FOXN3: variants seen among roughly 807,000 people sequenced by gnomAD.
FOXN3 encodes forkhead box protein N3.
FOXN3 carries 7 observed loss-of-function variants against 38.4 expected under a neutral mutation model. The ratio of observed to expected loss-of-function variants is 0.18; its 90% CI spans 0.10 to 0.34. The LOEUF (loss-of-function observed/expected upper bound fraction) is 0.34. Among genes scored for constraint, FOXN3 ranks in the 10% least tolerant of loss-of-function variants. The probability of loss-of-function intolerance (pLI) is 1.00; values close to 1 mark genes in which losing one functional copy is unlikely to be tolerated. For synonymous variants in FOXN3, 230 were observed against 242.2 expected (o/e 0.95, Z 0.47); for missense variants, 456 against 613.4 (o/e 0.74, Z 2.71).
chr14:89,400,126 A>G (rs899090201), intron 2 of FOXN3: 4 of 152,208 alleles, frequency 2.6e-5, no homozygotes, highest in African/African-American at 9.6e-5. Flanking sequence ...CTGCAAAACT[A>G]CAGCCAGCAA....
chr14:89,444,097 C>A (rs1052693459), intron 1 of FOXN3, among the ~76,000 whole-genome samples: 2 of 147,258 alleles, frequency 1.4e-5, no homozygotes, highest in Non-Finnish European at 3.0e-5. Flanking sequence ...TTATCCTAGA[C>A]AATGGGGAGC....
chr14:89,528,534 C>T (rs1377765316), intron 1 of FOXN3, among the ~76,000 whole-genome samples: 3 of 151,766 alleles, frequency 2.0e-5, no homozygotes, highest in East Asian at 3.9e-4. Flanking sequence ...GTAGCTGGGA[C>T]TACAGGCATG....
intron 2 of FOXN3, among the ~76,000 whole-genome samples, chr14:89,402,051 C>CT (rs963316942): frequency 2.0e-5 from 3 of 152,166 alleles, no homozygotes; most frequent in African/African-American, 7.2e-5. Context: ...TGTCTGTAAT[C>CT]TTACATAGCA....
intron 1 of FOXN3, among the ~76,000 whole-genome samples, chr14:89,573,106 C>A (rs1895528194): frequency 6.6e-6 from 1 of 152,184 alleles, no homozygotes; most frequent in Non-Finnish European, 1.5e-5. Context: ...CCTAGTGCTT[C>A]TGAGTGTCCC....
chr14:89,467,430 A>AATT, intron 1 of FOXN3, among the ~76,000 whole-genome samples: 1 of 152,276 alleles, frequency 6.6e-6, no homozygotes, highest in African/African-American at 2.4e-5. Context: ...TTTAAAATAC[A>AATT]ATTACTGATG....
At chr14:89,317,390 G>A (rs1020049893) in intron 3 of FOXN3, among the ~76,000 whole-genome samples, 1 of 152,168 alleles carries the variant, frequency 6.6e-6, no homozygotes, top group Non-Finnish European at 1.5e-5. Context: ...ACAGGTAAAT[G>A]TCCTCTGAGA....
intron 1 of FOXN3, among the ~76,000 whole-genome samples, chr14:89,464,801 G>A (rs1335751880): frequency 3.3e-5 from 5 of 152,218 alleles, no homozygotes; most frequent in Admixed American, 2.6e-4. Flanking sequence ...GGGCTCAAGC[G>A]ATTCTCCTGC....
At chr14:89,618,855 T>C (rs927837383) in intron 1 of FOXN3, among the ~76,000 whole-genome samples, 6 of 151,928 alleles carry the variant, frequency 3.9e-5, no homozygotes, top group African/African-American at 1.2e-4. Context: ...TCTTTCCCAT[T>C]TGGGCTGCAA....
At chr14:89,180,281 G>A (rs1158695536) in intron 5 of FOXN3, among the ~76,000 whole-genome samples, 4 of 152,252 alleles carry the variant, frequency 2.6e-5, no homozygotes, top group Non-Finnish European at 4.4e-5. Context: ...GATTTTCCCC[G>A]CAACCCCTGG....
chr14:89,453,239 A>G lies in FOXN3; in HGVS notation c.-14-40749T>C, dbSNP rs1391661598. Reference sequence around the variant, plus strand: ...AAAAAAAGAACTTAAAATGAACCCAATGATAATGCTGTCTCTTTAAAAATA... The same window carrying G: ...AAAAAAAGAACTTAAAATGAACCCAGTGATAATGCTGTCTCTTTAAAAATA... On this transcript the variant is annotated intron_variant, in intron 1 of 6. Coordinates refer to the FOXN3 transcript ENST00000345097. 3.3e-5 allele frequency among the ~76,000 whole-genome samples: 5 copies of G among 151,352 alleles called. No homozygotes were observed. In the South Asian group the frequency reaches 6.3e-4, roughly 19 times the overall value.
At chr14:89,197,503 C>CA (rs5810450) in intron 4 of FOXN3, among the ~76,000 whole-genome samples, 63,240 of 143,948 alleles carry the variant, frequency 0.44, 14,081 homozygotes, top group African/African-American at 0.6. Context: ...AAGACTGTGT[C>CA]AAAAAAAAAA....
At position 89,412,128 on chromosome 14, in the gene FOXN3, AG is replaced by A; in HGVS notation, c.348del (p.Tyr117ThrfsTer21). Reference sequence around the variant, plus strand: ...ATAAATATGAGGCAGCTGAAGGAGTAGGGGGGTTTGCAGTTGGGGTTCTGCC... The same window carrying A: ...ATAAATATGAGGCAGCTGAAGGAGTAGGGGGTTTGCAGTTGGGGTTCTGCC... The part of the protein sequence containing the change: ...DARQNPNCKP[P>X]YSFSCLIFMA... On this transcript the variant is annotated frameshift_variant, in exon 2 of 6. Transcript: ENST00000557258. LOFTEE classifies it high-confidence loss of function. The surrounding 1 kb of genome is among the most constrained non-coding windows in gnomAD (Gnocchi z 4.7). The A allele has an allele frequency of 6.2e-7, 1 of 1,610,890 alleles. No homozygotes were observed. The highest frequency in any genetic ancestry group is 8.5e-7 in the Non-Finnish European group (1 of 1,178,452).
At chr14:89,609,328 G>A (rs1438288218) in intron 1 of FOXN3, among the ~76,000 whole-genome samples, 1 of 152,032 alleles carries the variant, frequency 6.6e-6, no homozygotes, top group Non-Finnish European at 1.5e-5. Flanking sequence ...CAAGCCTCCC[G>A]AGTAGCTGGA....
chr14:89,364,747 G>T (rs548947017), intron 2 of FOXN3: 2 of 152,330 alleles, frequency 1.3e-5, no homozygotes, highest in African/African-American at 4.8e-5. Flanking sequence ...GCTCTGTGAT[G>T]ATTTTAATGC....
At chr14:89,563,433 G>A (rs1313036152) in intron 1 of FOXN3, among the ~76,000 whole-genome samples, 2 of 152,208 alleles carry the variant, frequency 1.3e-5, no homozygotes, top group Non-Finnish European at 2.9e-5. Flanking sequence ...ATGGAAGACA[G>A]GTCTTGTGGC....
intron 1 of FOXN3, among the ~76,000 whole-genome samples, chr14:89,579,718 G>A (rs1895706907): frequency 6.6e-6 from 1 of 152,146 alleles, no homozygotes; most frequent in South Asian, 2.1e-4. Context: ...CTTCCATGCA[G>A]AGAACCCGTA....
chr14:89,431,380 T>C (rs572181295), intron 1 of FOXN3, among the ~76,000 whole-genome samples: 76 of 152,096 alleles, frequency 5.0e-4, no homozygotes, highest in Non-Finnish European at 8.5e-4. Flanking sequence ...CCGGCTAATT[T>C]TTGTATTTTT....
intron 1 of FOXN3, among the ~76,000 whole-genome samples, chr14:89,450,776 G>A (rs1244150533): frequency 2.6e-5 from 4 of 151,962 alleles, no homozygotes; most frequent in Admixed American, 1.3e-4. Context: ...TAGTAGAGAC[G>A]GGGTTTCACC....
At chr14:89,325,353 CACCACCACT>C (rs1566956935) in intron 3 of FOXN3, among the ~76,000 whole-genome samples, 16 of 131,396 alleles carry the variant, frequency 1.2e-4, no homozygotes, top group Non-Finnish European at 1.7e-4. Context: ...CCACCACCAC[CACCACCACT>C]ACCACCACCG....
Sources: gnomAD v4.1 joint callset for allele counts (sites outside exome capture counted in the v4.1 genomes callset) on GRCh38, gnomAD v4.1.1 for gene constraint, Gnocchi (gnomAD v3.1) non-coding constraint, MANE v1.5 for transcripts, NCBI Gene and HGNC (gene_info 2026-07-23, HGNC 2026-07-21) for gene names.